ANK3: variants seen among roughly 807,000 people sequenced by gnomAD.
ANK3 encodes the protein ankyrin 3, also known as ankyrin-3.
A neutral mutation model predicts 370.9 loss-of-function variants in ANK3; 57 were observed. That is an observed-to-expected ratio of 0.15 (90% CI 0.12 to 0.19). The LOEUF (loss-of-function observed/expected upper bound fraction) is 0.19, where lower values mean the gene tolerates loss of function less well. ANK3 is among the 10% of genes least tolerant of loss of function. The pLI is 1.00. For synonymous variants in ANK3, 1,929 were observed against 1,946.3 expected (o/e 0.99, Z 0.23); for missense variants, 4,439 against 5,302.1 (o/e 0.84, Z 5.06).
Position 60,138,939 on chromosome 10 carries a change from A to G in ANK3, c.2738+25T>C, listed in dbSNP as rs368476141. ...AAATCATGGTTGTTTTAAATTAACT[A>G]TGAAAGACAGCAACAACGAAGTACC... On this transcript the variant is annotated intron_variant, in intron 24 of 43. Coordinates refer to ENST00000280772, the MANE Select transcript of ANK3 (RefSeq NM_020987.5). 93 of 1,611,176 alleles carry G rather than the reference A, an allele frequency of 5.8e-5. No individual in the cohort carries two copies. In the African/African-American group the frequency reaches 9.4e-4, roughly 16 times the overall value.
rs1262286671 is a variant in ANK3 at position 60,300,277 on chromosome 10, T to C, written c.115-20638A>G. 7 of 1,168,010 alleles carry C rather than the reference T, an allele frequency of 6.0e-6. No homozygotes were observed. The Admixed American group carries it at 1.2e-4, about 19-fold the overall frequency. 72.4% of individuals were successfully genotyped at this position (1,168,010 alleles called of 1,614,324 possible). On this transcript the variant is annotated intron_variant, in intron 1 of 43. Coordinates refer to ENST00000280772, the MANE Select transcript of ANK3 (RefSeq NM_020987.5). ...ACTATTCAGGGCAAAACAGAACTTC[T>C]ATAAGGAAAGTACATTTCATTTAGG...
At chr10:60,538,987 C>T (rs886352497) in intron 2 of ANK3, among the ~76,000 whole-genome samples, 8 of 151,746 alleles carry the variant, frequency 5.3e-5, no homozygotes, top group African/African-American at 1.2e-4. Context: ...TTAAACATAG[C>T]GCACAGTAAT....
chr10:60,389,357 C>G (rs2062876192), intron 1 of ANK3, 68 bp downstream of exon 1: 1 of 1,453,054 alleles, frequency 6.9e-7, no homozygotes, highest in South Asian at 1.2e-5. Flanking sequence ...ATGCTTCTAA[C>G]AGATGCCAGA....
chr10:60,484,970 A>G (rs2075313507), intron 2 of ANK3, among the ~76,000 whole-genome samples: 1 of 152,220 alleles, frequency 6.6e-6, no homozygotes, highest in African/African-American at 2.4e-5. Context: ...GATCATTGAT[A>G]TAATTAAATC....
chr10:60,351,906 C>A (rs771950893), intron 1 of ANK3, among the ~76,000 whole-genome samples: 1 of 151,504 alleles, frequency 6.6e-6, no homozygotes, highest in Non-Finnish European at 1.5e-5. Flanking sequence ...TTAAAAAGAC[C>A]AAGAAATGCA....
chr10:60,686,673 C>T (rs1030214996), intron 1 of ANK3, among the ~76,000 whole-genome samples: 4 of 152,092 alleles, frequency 2.6e-5, no homozygotes, highest in Admixed American at 6.5e-5. Flanking sequence ...TAATCTTAGA[C>T]CTCATGTACA....
Position 60,237,613 on chromosome 10 carries a change from T to A in ANK3, c.799-2827A>T, listed in dbSNP as rs10994267. Among the ~76,000 whole-genome samples, 411 of 152,060 alleles carry A rather than the reference T, an allele frequency of 2.7e-3. 15 individuals carry two copies. In the East Asian group the frequency reaches 0.064, roughly 24 times the overall value. ...CTTTTTTTTCTCTTTTTTTTAAATT[T>A]AATTTAATTTTATTATTATTATACT... is the stretch of plus-strand genomic sequence containing the variant. On this transcript the variant is annotated intron_variant, in intron 7 of 43. Coordinates refer to ENST00000280772, the MANE Select transcript of ANK3 (RefSeq NM_020987.5).
chr10:60,330,127 A>C (rs557906508), intron 1 of ANK3, among the ~76,000 whole-genome samples: 1 of 152,330 alleles, frequency 6.6e-6, no homozygotes, highest in East Asian at 1.9e-4. Context: ...CCTTATACAA[A>C]AATTAACTCA....
chr10:60,144,229 CA>C, intron 23 of ANK3: 1 of 442,636 alleles, frequency 2.3e-6, no homozygotes, highest in East Asian at 7.5e-5. Context: ...GTAACCAAAA[CA>C]AAAATGAGAA....
intron 1 of ANK3, among the ~76,000 whole-genome samples, chr10:60,353,984 G>A (rs1428326596): frequency 6.6e-6 from 1 of 152,200 alleles, no homozygotes; most frequent in Non-Finnish European, 1.5e-5. Flanking sequence ...CCATATCCAC[G>A]TGCAGTCCAT....
At chr10:60,402,229 A>T (rs1400991088) in intron 2 of ANK3, among the ~76,000 whole-genome samples, 1 of 152,198 alleles carries the variant, frequency 6.6e-6, no homozygotes, top group Admixed American at 6.5e-5. Context: ...AAGAGCTTAG[A>T]ACTATACTGG....
At chr10:60,482,432 T>C (rs2075246743) in intron 2 of ANK3, among the ~76,000 whole-genome samples, 1 of 152,162 alleles carries the variant, frequency 6.6e-6, no homozygotes, top group African/African-American at 2.4e-5. Context: ...AAAATCTCCT[T>C]CACCAGATTT....
chr10:60,717,573 C>G (rs1200880380), intron 1 of ANK3, among the ~76,000 whole-genome samples: 1 of 152,146 alleles, frequency 6.6e-6, no homozygotes, highest in Non-Finnish European at 1.5e-5. Context: ...TTACTATGAA[C>G]CAAGCACTGA....
At chr10:60,642,787 A>C (rs1037713090) in intron 1 of ANK3, among the ~76,000 whole-genome samples, 28 of 152,128 alleles carry the variant, frequency 1.8e-4, no homozygotes, top group Admixed American at 9.8e-4. Context: ...ATAATGATAA[A>C]ATAAAATAAA....
chr10:60,578,664 A>G (rs1227061921), intron 2 of ANK3, among the ~76,000 whole-genome samples: 2 of 152,162 alleles, frequency 1.3e-5, no homozygotes, highest in East Asian at 3.9e-4. Flanking sequence ...GCTGTGGAAA[A>G]GTCGTACAAA....
intron 1 of ANK3, among the ~76,000 whole-genome samples, chr10:60,378,624 G>A (rs946548268): frequency 6.6e-6 from 1 of 152,022 alleles, no homozygotes; most frequent in African/African-American, 2.4e-5. Flanking sequence ...AATTGGTGCT[G>A]GGAAAATTGT....
Position 60,278,789 on chromosome 10 carries a change from G to A in ANK3, c.399C>T (p.Val133=), listed in dbSNP as rs77316697. ...VKVLVTNGAN[V]NAQSQNGFTP... ...GTAGGCTTACCTGAGATTGTGCATTGACATTGGCTCCATTTGTAACCAAGA... is the reference window on the plus strand; with the variant it reads ...GTAGGCTTACCTGAGATTGTGCATTAACATTGGCTCCATTTGTAACCAAGA... The change falls in exon 4 of 44, where the codon GTC becomes GTT. Residue 133 remains valine (V), a synonymous_variant. Coordinates refer to ENST00000280772, the MANE Select transcript of ANK3 (RefSeq NM_020987.5). 1,689 of 1,613,558 alleles carry A rather than the reference G, an allele frequency of 1.0e-3. 2 individuals are homozygous for A. The highest frequency in any genetic ancestry group is 1.2e-3 in the Non-Finnish European group (1,396 of 1,179,582).
intron 2 of ANK3, among the ~76,000 whole-genome samples, chr10:60,399,670 C>T (rs1035081478): frequency 1.3e-5 from 2 of 152,162 alleles, no homozygotes; most frequent in Non-Finnish European, 2.9e-5. Context: ...TGCCCCAGTG[C>T]TTCCGCCGGC....
At chr10:60,261,156 T>G (rs2097797467) in intron 7 of ANK3, among the ~76,000 whole-genome samples, 1 of 152,190 alleles carries the variant, frequency 6.6e-6, no homozygotes, top group Admixed American at 6.5e-5. Context: ...AATTTGAACC[T>G]AAGGAGTCTC....
Sources: allele counts gnomAD v4.1 joint callset (sites outside exome capture counted in the v4.1 genomes callset), GRCh38; gene constraint gnomAD v4.1.1; transcripts MANE v1.5; gene names NCBI Gene and HGNC (gene_info 2026-07-23, HGNC 2026-07-21).